Variants in SLC16A10 observed in about 807,000 individuals in gnomAD.
SLC16A10 encodes solute carrier family 16 member 10.
A neutral mutation model predicts 40.0 loss-of-function variants in SLC16A10; 27 were observed. That is an observed-to-expected ratio of 0.67 (90% CI 0.50 to 0.93). SLC16A10 has a LOEUF of 0.93. SLC16A10 is among the 40% of genes least tolerant of loss of function. The probability of loss-of-function intolerance (pLI) is 0.00; values close to 1 mark genes in which losing one functional copy is unlikely to be tolerated. For synonymous variants in SLC16A10, 213 were observed against 249.8 expected, an observed-to-expected ratio of 0.85 and a Z score of 1.39; for missense variants, 529 against 658.2, an observed-to-expected ratio of 0.80 and a Z score of 2.15.
chr6:111,181,761 A>G (rs1324524589), intron 3 of SLC16A10, among the ~76,000 whole-genome samples: 2 of 152,208 alleles, frequency 1.3e-5, no homozygotes, highest in Non-Finnish European at 2.9e-5. Flanking sequence ...TGACGTTTCA[A>G]AAAGAAGAAT....
In SLC16A10 at chr6:111,218,972, T is replaced by C. The variant is rs1770835011; in HGVS notation, c.1245T>C (p.Asp415=). The part of the protein sequence containing the change: ...PIAFELVGAQ[D]VSQAIGFLLG... ...CCTTTGAGTTAGTTGGTGCCCAGGATGTCTCCCAAGCAATTGGATTTCTGC... is the reference window on the plus strand; with the variant it reads ...CCTTTGAGTTAGTTGGTGCCCAGGACGTCTCCCAAGCAATTGGATTTCTGC... The change falls in exon 5 of 6, where the codon GAT becomes GAC. Residue 415 remains aspartate (D), a synonymous_variant. Transcript: ENST00000368851. 2 of 1,614,058 alleles carry C rather than the reference T, an allele frequency of 1.2e-6. No homozygotes were observed. Among genetic ancestry groups the C allele is most frequent in the Non-Finnish European group, 1.7e-6 (2 of 1,180,036 alleles).
At chr6:111,188,402 T>C (rs1454645837) in intron 3 of SLC16A10, among the ~76,000 whole-genome samples, 1 of 152,134 alleles carries the variant, frequency 6.6e-6, no homozygotes, top group East Asian at 1.9e-4. Context: ...ATCACTTTGC[T>C]TTTTCTTCAA....
chr6:111,156,888 A>G (rs1262879264), intron 1 of SLC16A10, among the ~76,000 whole-genome samples: 1 of 152,194 alleles, frequency 6.6e-6, no homozygotes, highest in Non-Finnish European at 1.5e-5. Context: ...TTGTTATGTA[A>G]ATCTGAAACT....
At chr6:111,106,444 C>T (rs1227614614) in intron 1 of SLC16A10, among the ~76,000 whole-genome samples, 1 of 152,112 alleles carries the variant, frequency 6.6e-6, no homozygotes, top group Admixed American at 6.6e-5. Flanking sequence ...AAAAAAAAGT[C>T]TGGTAAAAGT....
chr6:111,157,300 T>C (rs1772288171), intron 1 of SLC16A10, among the ~76,000 whole-genome samples: 1 of 152,098 alleles, frequency 6.6e-6, no homozygotes, highest in Admixed American at 6.5e-5. Context: ...GTTGTTGTTT[T>C]TGAGATGGAG....
intron 3 of SLC16A10, among the ~76,000 whole-genome samples, chr6:111,185,124 C>T (rs1772872011): frequency 6.6e-6 from 1 of 152,220 alleles, no homozygotes; most frequent in African/African-American, 2.4e-5. Flanking sequence ...TCTCACAGAA[C>T]CACCACAAGG....
chr6:111,132,980 A>T (rs1485066401), intron 1 of SLC16A10, among the ~76,000 whole-genome samples: 1 of 152,236 alleles, frequency 6.6e-6, no homozygotes, highest in Non-Finnish European at 1.5e-5. Context: ...ATCCTGACTC[A>T]AAAGGTTACC....
chr6:111,095,581 C>T (rs1442064426), intron 1 of SLC16A10, among the ~76,000 whole-genome samples: 1 of 152,144 alleles, frequency 6.6e-6, no homozygotes, highest in East Asian at 1.9e-4. Flanking sequence ...GCTGTGTTCC[C>T]ACCCAAATCT....
intron 1 of SLC16A10, among the ~76,000 whole-genome samples, chr6:111,125,198 G>C (rs763401052): frequency 6.6e-5 from 10 of 152,224 alleles, no homozygotes; most frequent in Non-Finnish European, 1.3e-4. Context: ...TTAATCCAAA[G>C]ATCTTTCTGC....
chr6:111,098,704 T>C (rs1476366770), intron 1 of SLC16A10, among the ~76,000 whole-genome samples: 1 of 152,236 alleles, frequency 6.6e-6, no homozygotes. Context: ...TTATTAGTTT[T>C]GACTTTATGT....
At chr6:111,104,042 G>A (rs1042548133) in intron 1 of SLC16A10, among the ~76,000 whole-genome samples, 2 of 152,022 alleles carry the variant, frequency 1.3e-5, no homozygotes, top group African/African-American at 4.8e-5. Flanking sequence ...TCCACACTGG[G>A]CTTATTAAGT....
intron 3 of SLC16A10, among the ~76,000 whole-genome samples, chr6:111,191,342 C>A (rs1336057900): frequency 1.3e-5 from 2 of 152,188 alleles, no homozygotes; most frequent in Non-Finnish European, 2.9e-5. Flanking sequence ...CTGCAAAGGA[C>A]ATGAACTCAT....
At chr6:111,093,468 C>A (rs543557753) in intron 1 of SLC16A10, among the ~76,000 whole-genome samples, 2 of 152,302 alleles carry the variant, frequency 1.3e-5, no homozygotes, top group East Asian at 3.9e-4. Flanking sequence ...GTTAGTGCTT[C>A]CTCAGAAATT....
intron 1 of SLC16A10, among the ~76,000 whole-genome samples, chr6:111,137,119 C>G (rs1268468147): frequency 6.6e-6 from 1 of 152,202 alleles, no homozygotes; most frequent in South Asian, 2.1e-4. Context: ...AGGCGGGACC[C>G]TCCATTAGAA....
intron 1 of SLC16A10, among the ~76,000 whole-genome samples, chr6:111,157,715 G>A (rs1052433807): frequency 2.0e-5 from 3 of 152,200 alleles, no homozygotes; most frequent in South Asian, 2.1e-4. Flanking sequence ...CCACAGAGAA[G>A]TATTTGAATT....
In SLC16A10 at chr6:111,177,554, T is replaced by C; in HGVS notation, c.831T>C (p.Ser277=). ...CCCTCTTTTCCAGGAAAAAGTTCAG[T>C]CCTCCAAAAAAAATTTTCAATTTTG... The part of the protein sequence containing the change: ...GSSLFSRKKF[S]PPKKIFNFAI... Residue 277 remains serine, a synonymous_variant, in exon 3 of 6, where the codon AGT becomes AGC. Transcript: ENST00000368851. 6.2e-7 allele frequency: 1 copy of C among 1,612,322 alleles called. No homozygotes were observed. The highest frequency in any genetic ancestry group is 1.1e-5 in the South Asian group (1 of 90,924).
At chr6:111,094,299 T>G (rs376728707) in intron 1 of SLC16A10, among the ~76,000 whole-genome samples, 47 of 150,832 alleles carry the variant, frequency 3.1e-4, no homozygotes, top group African/African-American at 1.1e-3. Context: ...CAAGACTTAT[T>G]TACTATTTCT....
chr6:111,220,923 A>C (rs1770876669), intron 5 of SLC16A10, among the ~76,000 whole-genome samples: 1 of 152,242 alleles, frequency 6.6e-6, no homozygotes, highest in South Asian at 2.1e-4. Flanking sequence ...GAACATAATC[A>C]TGAGTGTTCA....
intron 4 of SLC16A10, among the ~76,000 whole-genome samples, chr6:111,212,072 C>T (rs909433036): frequency 2.0e-5 from 3 of 152,214 alleles, no homozygotes; most frequent in African/African-American, 7.2e-5. Context: ...GACACAGACA[C>T]ACTTCATAGC....
Sources: gnomAD v4.1 joint callset for allele counts (sites outside exome capture counted in the v4.1 genomes callset) on GRCh38, gnomAD v4.1.1 for gene constraint, MANE v1.5 for transcripts, NCBI Gene and HGNC (gene_info 2026-07-23, HGNC 2026-07-21) for gene names.